Variants in ZNF223 observed in about 807,000 individuals in gnomAD.
ZNF223 encodes Homo sapiens zinc finger protein 223.
Under a neutral mutation model 12.3 loss-of-function variants are expected in ZNF223, and 9 were observed. The observed-to-expected ratio is 0.73, with a 90% CI of 0.44 to 1.28. The LOEUF is 1.28. Among genes scored for constraint, ZNF223 ranks in the 50% most tolerant of loss-of-function variants. The pLI, the probability that ZNF223 is intolerant of heterozygous loss-of-function variation, is 0.00. For synonymous variants in ZNF223, 171 were observed against 195.2 expected, an observed-to-expected ratio of 0.88 and a Z score of 1.03; for missense variants, 506 against 579.0, an observed-to-expected ratio of 0.87 and a Z score of 1.29.
intron 1 of ZNF223, among the ~76,000 whole-genome samples, chr19:44,053,061 T>C (rs983632820): frequency 3.9e-5 from 6 of 152,196 alleles, no homozygotes; most frequent in Admixed American, 1.3e-4. Flanking sequence ...AGTTTATGCG[T>C]TGTCTTTAGC....
chr19:44,060,959 C>G (rs1305824004), intron 4 of ZNF223, 118 bp downstream of exon 4: 13 of 1,049,222 alleles, frequency 1.2e-5, no homozygotes, highest in Non-Finnish European at 1.4e-5. Context: ...ATTATGATAA[C>G]CTCCTTCCAG....
At position 44,066,235 on chromosome 19, in the gene ZNF223, A is replaced by G. The variant is rs750333179; in HGVS notation, c.407A>G (p.Glu136Gly). 1.9e-6 allele frequency: 3 copies of G among 1,614,118 alleles called. No individual in the cohort carries two copies. The African/African-American group carries it at 4.0e-5, about 22-fold the overall frequency. Residue 136 changes from glutamate (E) to glycine (G), a missense_variant, in exon 5 of 5, where the codon GAA becomes GGA. Transcript: ENST00000434772. ...EQGDAHSQVE[E>G]GLSIMHTGQK... ...GGTGATGCCCACTCCCAGGTTGAGG[A>G]AGGACTATCTATAATGCACACAGGA... is the stretch of plus-strand genomic sequence containing the variant.
chr19:44,055,649 A>T (rs1976754515), intron 2 of ZNF223, among the ~76,000 whole-genome samples: 1 of 151,994 alleles, frequency 6.6e-6, no homozygotes, highest in African/African-American at 2.4e-5. Context: ...CATGCCTGTA[A>T]TCCCAGCTAC....
rs1162548786 is a variant in ZNF223 at position 44,067,294 on chromosome 19, TG to T, written c.*21del. 1 of 1,588,772 alleles carries T rather than the reference TG, an allele frequency of 6.3e-7. No individual in the cohort carries two copies. The highest frequency in any genetic ancestry group is 1.7e-5 in the Admixed American group (1 of 57,804). ...GACACGTAAGTGTTGTACATATTTA[TG>T]GGGTACAGTGTGATATTTAAATATA... On this transcript the variant is annotated 3_prime_UTR_variant, in exon 5 of 5. Transcript: ENST00000434772.
chr19:44,056,525 C>CT (rs1291700066), intron 2 of ZNF223, among the ~76,000 whole-genome samples: 3 of 83,954 alleles, frequency 3.6e-5, no homozygotes, highest in Non-Finnish European at 8.0e-5. Context: ...GAGTGAGACT[C>CT]TGTCTCAAAA....
In ZNF223 at chr19:44,067,386, T is replaced by A; in HGVS notation, c.*109T>A. On this transcript the variant is annotated 3_prime_UTR_variant, in exon 5 of 5. Transcript: ENST00000434772. ...ATTTATCACCTCAATTATCTCTTTT[T>A]TGTGTTGAGAAAATTAAAAATTCAT... 1 of 1,248,038 alleles carries A rather than the reference T, an allele frequency of 8.0e-7. No individual in the cohort carries two copies. Among genetic ancestry groups the A allele is most frequent in the Non-Finnish European group, 1.1e-6 (1 of 880,708 alleles). The allele number at this position is 1,248,038 out of a possible 1,614,324, so 77.3% of individuals were successfully genotyped here. A position where few individuals can be genotyped will look rare whatever the true frequency, so the allele number is the denominator to read the frequency against.
chr19:44,055,461 C>T (rs543384957), intron 2 of ZNF223, among the ~76,000 whole-genome samples: 1 of 151,644 alleles, frequency 6.6e-6, no homozygotes, highest in Non-Finnish European at 1.5e-5. Context: ...GCCAGAAAGC[C>T]TTCATTTAAA....
intron 4 of ZNF223, 123 bp from the exon 5 acceptor site, chr19:44,065,941 G>A: frequency 6.9e-7 from 1 of 1,450,312 alleles, no homozygotes; most frequent in Non-Finnish European, 9.1e-7. Flanking sequence ...AGAAACCAGG[G>A]TGCACTTGGA....
At chr19:44,054,979 A>AT in intron 1 of ZNF223, 130 bp from the exon 2 acceptor site, 2 of 481,968 alleles carry the variant, frequency 4.1e-6, no homozygotes, top group Non-Finnish European at 7.4e-6. Context: ...GTTGTGTGCA[A>AT]TTTGGGGTTA....
In ZNF223 at chr19:44,066,960, G is replaced by T; in HGVS notation, c.1132G>T (p.Gly378Trp). 1.2e-6 allele frequency: 2 copies of T among 1,614,190 alleles called. No individual in the cohort carries two copies. Among genetic ancestry groups the T allele is most frequent in the Non-Finnish European group, 1.7e-6 (2 of 1,180,024 alleles). The part of the protein sequence containing the change: ...GEKPYKCDKC[G>W]KSYITKSGLD... ...AAAGCCATACAAATGTGACAAGTGT[G>T]GGAAGAGCTACATTACTAAGTCAGG... is the stretch of plus-strand genomic sequence containing the variant. The change falls in exon 5 of 5, where the codon GGG becomes TGG. Residue 378 changes from glycine to tryptophan, a missense_variant. By Grantham distance (184) the Gly-to-Trp change is radical. Coordinates refer to ENST00000434772, the MANE Select transcript of ZNF223 (RefSeq NM_013361.6).
intron 4 of ZNF223, among the ~76,000 whole-genome samples, chr19:44,061,523 G>A (rs142146278): frequency 3.4e-4 from 52 of 152,308 alleles, no homozygotes; most frequent in Non-Finnish European, 6.0e-4. Flanking sequence ...TTCTTCCAGA[G>A]TCATGCTCCC....
At chr19:44,053,851 C>A (rs930667189) in intron 1 of ZNF223, among the ~76,000 whole-genome samples, 26 of 152,182 alleles carry the variant, frequency 1.7e-4, no homozygotes, top group Admixed American at 1.5e-3. Context: ...ATGGCAATGA[C>A]TTTTACCAAG....
chr19:44,058,259 G>T (rs1976794553), intron 2 of ZNF223, among the ~76,000 whole-genome samples: 1 of 152,182 alleles, frequency 6.6e-6, no homozygotes, highest in Non-Finnish European at 1.5e-5. Context: ...CTGTCCTGCA[G>T]TCCATCCCCT....
Position 44,060,523 on chromosome 19 carries a change from C to T in ZNF223, c.84C>T (p.Ala28=). Residue 28 remains alanine, a synonymous_variant, in exon 3 of 5, where the codon GCC becomes GCT. Transcript: ENST00000434772. The part of the protein sequence containing the change: ...TEEELGLLDL[A]QRKLYRDVML... Reference sequence around the variant, plus strand: ...AGGAGCTGGGGCTGCTGGACCTTGCCCAGAGGAAGCTGTATCGAGATGTGA... The same window carrying T: ...AGGAGCTGGGGCTGCTGGACCTTGCTCAGAGGAAGCTGTATCGAGATGTGA... 6.2e-7 allele frequency: 1 copy of T among 1,613,966 alleles called. No individual in the cohort carries two copies. Among genetic ancestry groups the T allele is most frequent in the Middle Eastern group, 1.6e-4 (1 of 6,062 alleles).
At position 44,066,321 on chromosome 19, in the gene ZNF223, C is replaced by A. The variant is rs1041106235; in HGVS notation, c.493C>A (p.Leu165Ile). ...CTTCAGTGATATGTCCATCTTTGAT[C>A]TTCCTCAGCAAATACGCTCAGCAGA... is the stretch of plus-strand genomic sequence containing the variant. Reference protein sequence around the residue: ...QSFSDMSIFDLPQQIRSAEKS... With the variant: ...QSFSDMSIFDIPQQIRSAEKS... The change falls in exon 5 of 5, where the codon CTT becomes ATT. Residue 165 changes from leucine (L) to isoleucine (I), a missense_variant. Coordinates refer to ENST00000434772, the MANE Select transcript of ZNF223 (RefSeq NM_013361.6). 2.5e-6 allele frequency: 4 copies of A among 1,614,130 alleles called. No homozygotes were observed. In the African/African-American group the frequency reaches 5.3e-5, roughly 22 times the overall value.
chr19:44,059,448 G>A (rs958314308), intron 2 of ZNF223, among the ~76,000 whole-genome samples: 10 of 152,198 alleles, frequency 6.6e-5, no homozygotes, highest in Non-Finnish European at 1.3e-4. Context: ...GGATGCTGGT[G>A]TGGTTTACCA....
upstream of ZNF223, chr19:44,051,933 C>T (rs1976705171): frequency 1.3e-5 from 2 of 152,318 alleles, no homozygotes; most frequent in South Asian, 4.1e-4. Context: ...AGTCCAGACA[C>T]TCTGCGGAGT....
rs61601688 is a variant in ZNF223 at position 44,064,622 on chromosome 19, C to T, written c.236-1442C>T. Among the ~76,000 whole-genome samples the T allele has an allele frequency of 2.5e-3, 382 of 152,208 alleles. 2 individuals are homozygous for T. The highest frequency in any genetic ancestry group is 8.6e-3 in the African/African-American group (359 of 41,520). On this transcript the variant is annotated intron_variant, in intron 4 of 4. Coordinates refer to ENST00000434772, the MANE Select transcript of ZNF223 (RefSeq NM_013361.6). Reference sequence around the variant, plus strand: ...ACAGAGAACTGCTCTCACTTCACTCCAAGTGCAAATTCGGCAGTTTTTCAA... The same window carrying T: ...ACAGAGAACTGCTCTCACTTCACTCTAAGTGCAAATTCGGCAGTTTTTCAA...
At chr19:44,065,278 A>G (rs1358270537) in intron 4 of ZNF223, among the ~76,000 whole-genome samples, 1 of 152,206 alleles carries the variant, frequency 6.6e-6, no homozygotes, top group East Asian at 1.9e-4. Flanking sequence ...ATTTTTAAAA[A>G]TGTTTTTTAA....
Sources: allele counts gnomAD v4.1 joint callset (sites outside exome capture counted in the v4.1 genomes callset), GRCh38; gene constraint gnomAD v4.1.1; transcripts MANE v1.5; gene names NCBI Gene and HGNC (gene_info 2026-07-23, HGNC 2026-07-21).